The following COLEC12 variants were observed in gnomAD, a reference collection of about 807,000 sequenced individuals.
COLEC12 encodes collectin-12.
COLEC12 carries 33 observed loss-of-function variants against 71.1 expected under a neutral mutation model. The observed-to-expected ratio is 0.46, with a 90% CI of 0.35 to 0.62. COLEC12 has a LOEUF of 0.62. COLEC12 is among the 20% of genes least tolerant of loss of function. COLEC12 has a pLI of 0.00. For synonymous variants in COLEC12, 350 were observed against 353.0 expected (o/e 0.99, Z 0.10); for missense variants, 765 against 916.1 (o/e 0.84, Z 2.13).
In COLEC12 at chr18:342,337, C is replaced by T. The variant is rs117389385; in HGVS notation, c.1327+3958G>A. On this transcript the variant is annotated intron_variant, in intron 5 of 9. Transcript: ENST00000400256. ...TTCTTGGTTGATGGATGTAGAGATA[C>T]TGTGAACATCTATCTCTACACTATC... Among the ~76,000 whole-genome samples, 866 of 152,380 alleles carry T rather than the reference C, an allele frequency of 5.7e-3. 8 individuals are homozygous for T. Among genetic ancestry groups the T allele is most frequent in the East Asian group, 0.042 (217 of 5,188 alleles).
Position 500,406 on chromosome 18 carries a change from A to T in COLEC12, c.7+102T>A. The T allele has an allele frequency of 1.5e-6, 1 of 662,176 alleles. No homozygotes were observed. The highest frequency in any genetic ancestry group is 1.9e-6 in the Non-Finnish European group (1 of 521,932). The allele number at this position is 662,176 out of a possible 1,614,324, so 41.0% of individuals were successfully genotyped here. Reference sequence around the variant, plus strand: ...GGCAGCCCCGACTCCCCGGGCCCGCAGCCCAAGGGAAGGTTCGCGCGGGAG... The same window carrying T: ...GGCAGCCCCGACTCCCCGGGCCCGCTGCCCAAGGGAAGGTTCGCGCGGGAG... On this transcript the variant is annotated intron_variant, in intron 1 of 9. Coordinates refer to ENST00000400256, the MANE Select transcript of COLEC12 (RefSeq NM_130386.3). This position sits in a 1 kb window ranked among gnomAD's most constrained non-coding sequence, Gnocchi z 5.3.
At chr18:386,413 C>T (rs541094291) in intron 2 of COLEC12, among the ~76,000 whole-genome samples, 1 of 152,318 alleles carries the variant, frequency 6.6e-6, no homozygotes, top group East Asian at 1.9e-4. Context: ...GTGGCATCAG[C>T]ATTATCTGGA....
chr18:436,441 G>C (rs1444277818), intron 2 of COLEC12, among the ~76,000 whole-genome samples: 3 of 148,120 alleles, frequency 2.0e-5, no homozygotes, highest in African/African-American at 7.5e-5. Flanking sequence ...CTGGAATCTG[G>C]GAGGTGGAGG....
chr18:473,028 G>C (rs2846661), intron 2 of COLEC12, among the ~76,000 whole-genome samples: 1 of 151,788 alleles, frequency 6.6e-6, no homozygotes, highest in Admixed American at 6.6e-5. Context: ...TCAATATATA[G>C]AATATCAATA....
At chr18:343,643 C>T (rs929275298) in intron 5 of COLEC12, among the ~76,000 whole-genome samples, 5 of 152,204 alleles carry the variant, frequency 3.3e-5, no homozygotes, top group African/African-American at 7.2e-5. Flanking sequence ...CTGGGGTGAC[C>T]GGGTACCGTA....
chr18:494,181 C>G (rs564389750), intron 1 of COLEC12, among the ~76,000 whole-genome samples: 1 of 152,158 alleles, frequency 6.6e-6, no homozygotes, highest in East Asian at 1.9e-4. Context: ...TACTTCCCCA[C>G]GTGGAGCACA....
chr18:340,029 A>G (rs1024732054), intron 5 of COLEC12, among the ~76,000 whole-genome samples: 2 of 149,764 alleles, frequency 1.3e-5, no homozygotes, highest in East Asian at 2.0e-4. Context: ...TGAAAATAAA[A>G]TGAAATAATG....
chr18:402,673 C>T (rs1218462094), intron 2 of COLEC12, among the ~76,000 whole-genome samples: 1 of 151,910 alleles, frequency 6.6e-6, no homozygotes, highest in African/African-American at 2.4e-5. Context: ...TTTGCAGTAG[C>T]TGAATTAGAG....
Position 480,169 on chromosome 18 carries a change from C to T in COLEC12, c.58+538G>A, listed in dbSNP as rs1917385335. ...TCTCAAGCTCTTCAACTTAATCACA[C>T]CTACAAAGTCCTTTGTGCCACATAA... On this transcript the variant is annotated intron_variant, in intron 2 of 9. Transcript: ENST00000400256. The surrounding 1 kb of genome is among the most constrained non-coding windows in gnomAD (Gnocchi z 4.1). 6.6e-6 allele frequency among the ~76,000 whole-genome samples: 1 copy of T among 152,200 alleles called. No homozygotes were observed.
At chr18:392,099 T>C (rs181376024) in intron 2 of COLEC12, among the ~76,000 whole-genome samples, 6 of 152,294 alleles carry the variant, frequency 3.9e-5, no homozygotes, top group Admixed American at 3.9e-4. Flanking sequence ...ACTGTGCCTG[T>C]CTCTCCGTGA....
intron 2 of COLEC12, among the ~76,000 whole-genome samples, chr18:379,853 G>A (rs1468686053): frequency 2.6e-5 from 4 of 152,172 alleles, no homozygotes; most frequent in African/African-American, 4.8e-5. Flanking sequence ...TGCGCAGGAC[G>A]AAAGCCATCT....
In COLEC12 at chr18:458,707, A is replaced by G. The variant is rs543991759; in HGVS notation, c.58+22000T>C. 9.2e-4 allele frequency among the ~76,000 whole-genome samples: 140 copies of G among 152,380 alleles called. 2 individuals are homozygous for G. The highest frequency in any genetic ancestry group is 3.3e-3 in the African/African-American group (139 of 41,596). The stretch of plus-strand genomic sequence containing the variant: ...TCTAAACTGTCGTCTTCCAGACCTT[A>G]GGATCACAGATTCTGTCTCTATATG... On this transcript the variant is annotated intron_variant, in intron 2 of 9. Transcript: ENST00000400256.
At chr18:322,644 C>T (rs1222563150) in intron 8 of COLEC12, among the ~76,000 whole-genome samples, 1 of 152,214 alleles carries the variant, frequency 6.6e-6, no homozygotes. Flanking sequence ...GATTCATGCA[C>T]AGAAGCTTGT....
At chr18:433,792 T>C (rs1411836632) in intron 2 of COLEC12, among the ~76,000 whole-genome samples, 2 of 152,112 alleles carry the variant, frequency 1.3e-5, no homozygotes, top group Non-Finnish European at 2.9e-5. Context: ...GGCGAAACCC[T>C]GTCTCTACAA....
In COLEC12 at chr18:317,025, A is replaced by C. The variant is rs938648034; in HGVS notation, c.*3020T>G. The C allele has an allele frequency of 1.3e-5, 2 of 152,148 alleles. No individual in the cohort carries two copies. The highest frequency in any genetic ancestry group is 2.9e-5 in the Non-Finnish European group (2 of 68,060). The allele number at this position is 152,148 out of a possible 1,614,324, so 9.4% of individuals were successfully genotyped here. On this transcript the variant is annotated 3_prime_UTR_variant, in exon 10 of 10. Transcript: ENST00000400256. ...GATCACCTGAGGTCAGGAGTTTGAG[A>C]CCAGCCTGGCCAAAATGGCGAAACC...
At position 500,220 on chromosome 18, in the gene COLEC12, G is replaced by C. The variant is rs1050811338; in HGVS notation, c.7+288C>G. 4.6e-5 allele frequency among the ~76,000 whole-genome samples: 7 copies of C among 152,206 alleles called. No individual in the cohort carries two copies. The highest frequency in any genetic ancestry group is 1.4e-4 in the African/African-American group (6 of 41,470). On this transcript the variant is annotated intron_variant, in intron 1 of 9. Coordinates refer to ENST00000400256, the MANE Select transcript of COLEC12 (RefSeq NM_130386.3). The surrounding 1 kb of genome is among the most constrained non-coding windows in gnomAD (Gnocchi z 5.3). ...TTTTTTCAATTAAAAAGTTGGAAAC[G>C]GGAATCCGTAAACAACGACTTAGGG...
intron 1 of COLEC12, among the ~76,000 whole-genome samples, chr18:487,604 C>T (rs62091361): frequency 0.12 from 18,272 of 152,082 alleles, 1,488 homozygotes; most frequent in Non-Finnish European, 0.18. Context: ...TAGTGGACAC[C>T]GGGAACAGGA....
At chr18:361,414 C>T (rs1327564701) in intron 2 of COLEC12, among the ~76,000 whole-genome samples, 2 of 152,158 alleles carry the variant, frequency 1.3e-5, no homozygotes, top group African/African-American at 2.4e-5. Flanking sequence ...TGGAAGCTTC[C>T]TCTTCCATTC....
At chr18:481,953 C>T (rs1237343814) in intron 1 of COLEC12, among the ~76,000 whole-genome samples, 3 of 151,720 alleles carry the variant, frequency 2.0e-5, no homozygotes, top group African/African-American at 4.8e-5. Context: ...GGTACATGTG[C>T]ATGTCTGCTA....
Sources: allele counts gnomAD v4.1 joint callset (sites outside exome capture counted in the v4.1 genomes callset), GRCh38; gene constraint gnomAD v4.1.1; non-coding constraint Gnocchi (gnomAD v3.1); transcripts MANE v1.5; gene names NCBI Gene and HGNC (gene_info 2026-07-23, HGNC 2026-07-21).